The following HOTAIR variants were observed in gnomAD, a reference collection of about 807,000 sequenced individuals.
HOTAIR encodes the protein HOX transcript antisense RNA.
chr12:53,969,940 G>T (rs576629975), intron 1 of HOTAIR, among the ~76,000 whole-genome samples: 2 of 152,254 alleles, frequency 1.3e-5, no homozygotes, highest in Non-Finnish European at 2.9e-5. Flanking sequence ...CCAACGCTGT[G>T]TGCGGGAGTT....
intron 5 of HOTAIR, among the ~76,000 whole-genome samples, chr12:53,965,722 A>G (rs1939039793): frequency 6.6e-6 from 1 of 152,154 alleles, no homozygotes; most frequent in African/African-American, 2.4e-5. Context: ...AGGGGGCAGG[A>G]AGAACAGCAG....
chr12:53,967,187 C>T (rs1258973561), intron 3 of HOTAIR: 1 of 152,170 alleles, frequency 6.6e-6, no homozygotes, highest in African/African-American at 2.4e-5. Flanking sequence ...TCTGATGCTC[C>T]AAAAGCCTCT....
At chr12:53,962,384 C>T (rs1375454291) in exon 7 of HOTAIR, 2 of 152,320 alleles carry the variant, frequency 1.3e-5, no homozygotes, top group South Asian at 2.1e-4. Flanking sequence ...AATGTGCAGT[C>T]CTGAGTCTAT....
At chr12:53,971,170 G>A (rs769494227) in intron 1 of HOTAIR, among the ~76,000 whole-genome samples, 39 of 152,210 alleles carry the variant, frequency 2.6e-4, no homozygotes, top group Non-Finnish European at 4.0e-4. Context: ...AGGAAACACA[G>A]CAGATTTTTC....
intron 1 of HOTAIR, among the ~76,000 whole-genome samples, chr12:53,970,942 G>A (rs868052914): frequency 2.0e-5 from 3 of 152,302 alleles, no homozygotes; most frequent in East Asian, 3.9e-4. Flanking sequence ...AGCGGGATCT[G>A]AGACTCGAGC....
At chr12:53,974,013 G>A in intron 1 of HOTAIR, 6 of 1,159,622 alleles carry the variant, frequency 5.2e-6, no homozygotes, top group Non-Finnish European at 7.0e-6. Flanking sequence ...GGGGAGCGGG[G>A]ACGGCCTCGT....
chr12:53,969,650 G>A (rs1352481113), intron 1 of HOTAIR, among the ~76,000 whole-genome samples: 1 of 152,234 alleles, frequency 6.6e-6, no homozygotes, highest in Admixed American at 6.5e-5. Flanking sequence ...AGAAATATAG[G>A]CAAGAAGGTG....
At chr12:53,970,580 GC>G (rs3834475) in intron 1 of HOTAIR, among the ~76,000 whole-genome samples, 47,125 of 152,110 alleles carry the variant, frequency 0.31, 7,443 homozygotes, top group Middle Eastern at 0.34. Context: ...TAAACTTTAT[GC>G]CTTACTTTTA....
intron 1 of HOTAIR, among the ~76,000 whole-genome samples, chr12:53,974,557 G>T (rs1037677755): frequency 9.9e-5 from 15 of 152,144 alleles, no homozygotes; most frequent in African/African-American, 3.1e-4. Context: ...GCGAGGCGGC[G>T]CAGGACTCCA....
exon 7 of HOTAIR, chr12:53,963,824 C>T (rs971616067): frequency 1.3e-5 from 2 of 152,264 alleles, no homozygotes; most frequent in Admixed American, 6.5e-5. Context: ...TCTGGGCGTT[C>T]ATGTGGCGAG....
intron 1 of HOTAIR, among the ~76,000 whole-genome samples, chr12:53,969,588 C>A (rs1939115375): frequency 6.6e-6 from 1 of 152,194 alleles, no homozygotes; most frequent in African/African-American, 2.4e-5. Context: ...ACCTGAAAAT[C>A]CCAAAGCATA....
At chr12:53,972,795 C>T (rs1424012639) in intron 1 of HOTAIR, among the ~76,000 whole-genome samples, 1 of 152,130 alleles carries the variant, frequency 6.6e-6, no homozygotes, top group Admixed American at 6.5e-5. Context: ...GACCCCCATA[C>T]ATGAGAGCCC....
At position 53,973,697 on chromosome 12, in the gene HOTAIR, C is replaced by T. The variant is rs574460509; in HGVS notation, n.59+1201G>A. ...ACAGCGTCCTGCCTCAAGCCTTCGA[C>T]CGTTTCTTCGACAACGCCTACTGCG... On this transcript the variant is annotated intron_variant and non_coding_transcript_variant, in intron 1 of 6. Transcript: ENST00000424518. The surrounding 1 kb of genome is among the most constrained non-coding windows in gnomAD (Gnocchi z 4.3). 2.5e-6 allele frequency: 4 copies of T among 1,613,688 alleles called. No individual in the cohort carries two copies. In the South Asian group the frequency reaches 3.3e-5, roughly 13 times the overall value.
At chr12:53,962,523 T>C (rs2136368651) in exon 7 of HOTAIR, 1 of 152,362 alleles carries the variant, frequency 6.6e-6, no homozygotes, top group Middle Eastern at 3.4e-3. Context: ...ACAAAGTGCA[T>C]ACCTACCCAA....
intron 2 of HOTAIR, chr12:53,968,518 C>G (rs1334228805): frequency 6.6e-6 from 1 of 152,292 alleles, no homozygotes; most frequent in African/African-American, 2.4e-5. Flanking sequence ...AACCACTGAG[C>G]CCGCCGAAAG....
At chr12:53,965,238 A>C (rs1939029883) in intron 5 of HOTAIR, among the ~76,000 whole-genome samples, 1 of 152,210 alleles carries the variant, frequency 6.6e-6, no homozygotes, top group African/African-American at 2.4e-5. Context: ...TTGGTACTTG[A>C]ACTCTGCTCC....
At chr12:53,965,629 G>A (rs555953904) in intron 5 of HOTAIR, among the ~76,000 whole-genome samples, 32 of 152,264 alleles carry the variant, frequency 2.1e-4, no homozygotes, top group Admixed American at 2.0e-3. Flanking sequence ...AAGAGATCAA[G>A]GAAGTGCCTG....
At position 53,973,353 on chromosome 12, in the gene HOTAIR, A is replaced by C; in HGVS notation, n.59+1545T>G. ...CTCCAACCTCTATCTGCCCAGTTGCACTTACTACATGCCCGAGTTCTCCAC... is the reference window on the plus strand; with the variant it reads ...CTCCAACCTCTATCTGCCCAGTTGCCCTTACTACATGCCCGAGTTCTCCAC... On this transcript the variant is annotated intron_variant and non_coding_transcript_variant, in intron 1 of 6. Transcript: ENST00000424518. This position sits in a 1 kb window ranked among gnomAD's most constrained non-coding sequence, Gnocchi z 4.3. The C allele has an allele frequency of 1.2e-6, 2 of 1,612,130 alleles. No individual in the cohort carries two copies. Among genetic ancestry groups the C allele is most frequent in the Non-Finnish European group, 1.7e-6 (2 of 1,179,294 alleles).
chr12:53,972,495 AC>A (rs1447652296), intron 1 of HOTAIR, among the ~76,000 whole-genome samples: 1 of 152,214 alleles, frequency 6.6e-6, no homozygotes, highest in Non-Finnish European at 1.5e-5. Context: ...AGCAAGCCAG[AC>A]AAAGTTGGGA....
Sources: allele counts gnomAD v4.1 joint callset (sites outside exome capture counted in the v4.1 genomes callset), GRCh38; gene constraint gnomAD v4.1.1; non-coding constraint Gnocchi (gnomAD v3.1); transcripts MANE v1.5; gene names NCBI Gene and HGNC (gene_info 2026-07-23, HGNC 2026-07-21).